PRXL2B: variants seen among roughly 807,000 people sequenced by gnomAD.
PRXL2B encodes the protein prostamide/prostaglandin F synthase.
PRXL2B carries 26 observed loss-of-function variants against 24.4 expected under a neutral mutation model. The observed-to-expected ratio is 1.07, with a 90% CI of 0.78 to 1.48. The LOEUF is 1.48. PRXL2B is among the 40% of genes most tolerant of loss of function. The pLI is 0.00. For synonymous variants in PRXL2B, 115 were observed against 118.9 expected, an observed-to-expected ratio of 0.97 and a Z score of 0.21; for missense variants, 269 against 264.8, an observed-to-expected ratio of 1.02 and a Z score of -0.11.
intron 5 of PRXL2B, 53 bp downstream of exon 5, chr1:2,588,678 TTGG>T (rs1286872841): frequency 1.3e-6 from 2 of 1,582,718 alleles, no homozygotes; most frequent in African/African-American, 2.7e-5. Context: ...CTTGCTGAAC[TTGG>T]TGGCCCAGCC....
chr1:2,589,384 C>T (rs1407759268), intron 6 of PRXL2B, 26 bp from the exon 7 acceptor site: 9 of 1,611,936 alleles, frequency 5.6e-6, no homozygotes, highest in Non-Finnish European at 7.6e-6. Flanking sequence ...GTCCAGCGGC[C>T]CCATGGGACC....
rs1431513613 is a variant in PRXL2B, at chr1:2,588,557, C to G, written c.392C>G (p.Ala131Gly). The change falls in exon 5 of 7, where the codon GCT becomes GGT. Residue 131 changes from alanine to glycine, a missense_variant. Coordinates refer to ENST00000419916, the MANE Select transcript of PRXL2B (RefSeq NM_152371.5). Reference sequence around the variant, plus strand: ...TGTACCCACTCCTGACAGGCCAAGGCTGTTGGCATCCAGGGGAACTTGTCT... The same window carrying G: ...TGTACCCACTCCTGACAGGCCAAGGGTGTTGGCATCCAGGGGAACTTGTCT... ...PVRDVAAKAK[A>G]VGIQGNLSGD... 6.2e-7 allele frequency: 1 copy of G among 1,614,158 alleles called. No homozygotes were observed. Among genetic ancestry groups the G allele is most frequent in the Non-Finnish European group, 8.5e-7 (1 of 1,180,014 alleles).
At position 2,588,372 on chromosome 1, in the gene PRXL2B, G is replaced by C; in HGVS notation, c.321-18G>C. 6.2e-7 allele frequency: 1 copy of C among 1,614,112 alleles called. No individual in the cohort carries two copies. Among genetic ancestry groups the C allele is most frequent in the African/African-American group, 1.3e-5 (1 of 75,060 alleles). ...AGGCTTCTCCGGAGTTTGGCCAAGC[G>C]ACCTGGTGTCTTCGCAGGTACAACA... On this transcript the variant is annotated intron_variant, in intron 3 of 6. Coordinates refer to ENST00000419916, the MANE Select transcript of PRXL2B (RefSeq NM_152371.5).
At position 2,590,817 on chromosome 1, in the gene PRXL2B, C is replaced by G. The variant is rs1191919173; in HGVS notation, c.*1390C>G. 3 of 471,946 alleles carry G rather than the reference C, an allele frequency of 6.4e-6. No individual in the cohort carries two copies. Among genetic ancestry groups the G allele is most frequent in the Non-Finnish European group, 1.1e-5 (3 of 272,578 alleles). 29.2% of individuals were successfully genotyped at this position (471,946 alleles called of 1,614,324 possible). The stretch of plus-strand genomic sequence containing the variant: ...AGGTACTGCACTGGACACTGCTCAT[C>G]CCTGGGTGTCAGGCAGGTGGCTGCA... On this transcript the variant is annotated 3_prime_UTR_variant, in exon 7 of 7. Transcript: ENST00000419916.
At position 2,586,943 on chromosome 1, in the gene PRXL2B, G is replaced by C. The variant is rs866108678; in HGVS notation, c.58G>C (p.Gly20Arg). 4 of 1,320,712 alleles carry C rather than the reference G, an allele frequency of 3.0e-6. No individual in the cohort carries two copies. The highest frequency in any genetic ancestry group is 3.0e-5 in the African/African-American group (2 of 65,712). 81.8% of individuals were successfully genotyped at this position (1,320,712 alleles called of 1,614,324 possible). A position where few individuals can be genotyped will look rare whatever the true frequency, so the allele number is the denominator to read the frequency against. Residue 20 changes from glycine to arginine, a missense_variant, in exon 1 of 7, where the codon GGG (glycine) becomes CGG (arginine). Physicochemically the swap from Gly to Arg is moderately radical, Grantham distance 125. Transcript: ENST00000419916. Reference sequence around the variant, plus strand: ...GTGCATCCTGAAGCATGCGGTGACCGGGGAGGTGAGGCCGGGTGGACGCAG... The same window carrying C: ...GTGCATCCTGAAGCATGCGGTGACCCGGGAGGTGAGGCCGGGTGGACGCAG... ...GACILKHAVT[G>R]EAVELRSLWR...
chr1:2,591,021 A>T lies in PRXL2B; in HGVS notation c.*1594A>T, dbSNP rs1179984163. ...CACGCGGCATCGCTCCTTGGGGTGCATGGGGGTGCCCCGGGCACAGTGGAA... is the reference window on the plus strand; with the variant it reads ...CACGCGGCATCGCTCCTTGGGGTGCTTGGGGGTGCCCCGGGCACAGTGGAA... On this transcript the variant is annotated 3_prime_UTR_variant, in exon 7 of 7. Coordinates refer to ENST00000419916, the MANE Select transcript of PRXL2B (RefSeq NM_152371.5). 1.2e-6 allele frequency: 2 copies of T among 1,604,342 alleles called. No individual in the cohort carries two copies. Among genetic ancestry groups the T allele is most frequent in the Non-Finnish European group, 8.5e-7 (1 of 1,176,558 alleles).
Position 2,591,263 on chromosome 1 carries a change from T to G in PRXL2B, c.*1836T>G. On this transcript the variant is annotated 3_prime_UTR_variant, in exon 7 of 7. Transcript: ENST00000419916. ...CCCCATCTGACCAGAAACATGCCAA[T>G]CCTGAGAATAACCTCCCCTCCAGCC... 5.0e-6 allele frequency: 3 copies of G among 598,726 alleles called. No homozygotes were observed. Among genetic ancestry groups the G allele is most frequent in the Non-Finnish European group, 8.8e-6 (3 of 340,088 alleles). 37.1% of individuals were successfully genotyped at this position (598,726 alleles called of 1,614,324 possible). A position where few individuals can be genotyped will look rare whatever the true frequency, so the allele number is the denominator to read the frequency against.
In PRXL2B at chr1:2,589,953, G is replaced by A. The variant is rs1337106009; in HGVS notation, c.*526G>A. 1 of 159,922 alleles carries A rather than the reference G, an allele frequency of 6.3e-6. No individual in the cohort carries two copies. Among genetic ancestry groups the A allele is most frequent in the African/African-American group, 2.4e-5 (1 of 41,662 alleles). 9.9% of individuals were successfully genotyped at this position (159,922 alleles called of 1,614,324 possible). A position where few individuals can be genotyped will look rare whatever the true frequency, so the allele number is the denominator to read the frequency against. On this transcript the variant is annotated 3_prime_UTR_variant, in exon 7 of 7. Transcript: ENST00000419916. ...GTGGGTGGACCCTGGAGACTCTCAG[G>A]TGATGGGCCAGCCTGCCCCAAGGCT...
At position 2,588,453 on chromosome 1, in the gene PRXL2B, G is replaced by A; in HGVS notation, c.384G>A (p.Lys128=). The part of the protein sequence containing the change: ...LGKPVRDVAA[K]AKAVGIQGNL... ...AGCCCGTGCGTGATGTGGCTGCCAA[G>A]GTGTGTGCGGGTCAAGGGTGTACAG... The change falls in exon 4 of 7, where the codon AAG becomes AAA. Residue 128 remains lysine (K), a splice_region_variant and synonymous_variant. Coordinates refer to ENST00000419916, the MANE Select transcript of PRXL2B (RefSeq NM_152371.5). 1 of 1,614,142 alleles carries A rather than the reference G, an allele frequency of 6.2e-7. No individual in the cohort carries two copies. Among genetic ancestry groups the A allele is most frequent in the South Asian group, 1.1e-5 (1 of 91,086 alleles).
rs1049300628 is a variant in PRXL2B at position 2,587,199 on chromosome 1, G to T, written c.172G>T (p.Ala58Ser). 1.3e-5 allele frequency: 20 copies of T among 1,567,004 alleles called. No individual in the cohort carries two copies. The highest frequency in any genetic ancestry group is 1.7e-5 in the Non-Finnish European group (20 of 1,162,948). ...RWIAQDLSSL[A>S]GLLDQHGVRL... ...GATCGCCCAGGACCTCAGCAGCCTT[G>T]CTGGGCTCCTGGACCAACACGGCGT... The change falls in exon 2 of 7, where the codon GCT becomes TCT. Residue 58 changes from alanine to serine, a missense_variant. Physicochemically the swap from Ala to Ser is moderately conservative, Grantham distance 99. Transcript: ENST00000419916. The surrounding 1 kb of genome is among the most constrained non-coding windows in gnomAD (Gnocchi z 6.1).
chr1:2,589,496 C>G lies in PRXL2B; in HGVS notation c.*69C>G. 2 of 1,609,972 alleles carry G rather than the reference C, an allele frequency of 1.2e-6. No homozygotes were observed. The highest frequency in any genetic ancestry group is 1.7e-6 in the Non-Finnish European group (2 of 1,177,048). On this transcript the variant is annotated 3_prime_UTR_variant, in exon 7 of 7. Transcript: ENST00000419916. ...CTGCCCTAGGTGTGCTGGAAGTCCA[C>G]TTGGAAGAACTGTTCCGGAGGCGCT...
At position 2,589,543 on chromosome 1, in the gene PRXL2B, C is replaced by A; in HGVS notation, c.*116C>A. On this transcript the variant is annotated 3_prime_UTR_variant, in exon 7 of 7. Transcript: ENST00000419916. ...CGCTGGGTCGGGATGCCGAACCTCT[C>A]CTGATCCGCCGGCAGCAACGAGCCA... The A allele has an allele frequency of 2.8e-6, 4 of 1,434,162 alleles. No individual in the cohort carries two copies. The highest frequency in any genetic ancestry group is 2.9e-6 in the Non-Finnish European group (3 of 1,042,010). The allele number at this position is 1,434,162 out of a possible 1,614,324, so 88.8% of individuals were successfully genotyped here.
Position 2,589,414 on chromosome 1 carries a change from A to T in PRXL2B, c.584A>T (p.Asp195Val). The T allele has an allele frequency of 6.2e-7, 1 of 1,613,594 alleles. No individual in the cohort carries two copies. Among genetic ancestry groups the T allele is most frequent in the Non-Finnish European group, 8.5e-7 (1 of 1,179,850 alleles). ...EVCASDPPQC[D>V]REV ...GGGACCCTGCTGTCCCCACAGTGTG[A>T]CAGAGAGGTGTGAGGGAGGCGAAGG... The change falls in exon 7 of 7, where the codon GAC becomes GTC. Residue 195 changes from aspartate (D) to valine (V), a missense_variant. Physicochemically the swap from Asp to Val is radical, Grantham distance 152. Transcript: ENST00000419916.
intron 5 of PRXL2B, 107 bp from the exon 6 acceptor site, chr1:2,588,815 T>C: frequency 8.0e-7 from 1 of 1,252,624 alleles, no homozygotes; most frequent in Non-Finnish European, 1.2e-6. Flanking sequence ...GGTAGCCGGG[T>C]GGGGGATATG....
chr1:2,589,421 G>A lies in PRXL2B; in HGVS notation c.591G>A (p.Glu197=). The A allele has an allele frequency of 6.2e-7, 1 of 1,613,762 alleles. No individual in the cohort carries two copies. Among genetic ancestry groups the A allele is most frequent in the Non-Finnish European group, 8.5e-7 (1 of 1,179,900 alleles). Residue 197 remains glutamate, a synonymous_variant, in exon 7 of 7, where the codon GAG becomes GAA. Coordinates refer to ENST00000419916, the MANE Select transcript of PRXL2B (RefSeq NM_152371.5). The stretch of plus-strand genomic sequence containing the variant: ...TGCTGTCCCCACAGTGTGACAGAGA[G>A]GTGTGAGGGAGGCGAAGGCCCTGGC... ...CASDPPQCDR[E]V
rs766288496 is a variant in PRXL2B, at chr1:2,590,999, G to A, written c.*1572G>A. ...CGCGGCAGGGCCTTGGCTACCACAC[G>A]CGGCATCGCTCCTTGGGGTGCATGG... is the stretch of plus-strand genomic sequence containing the variant. On this transcript the variant is annotated 3_prime_UTR_variant, in exon 7 of 7. Coordinates refer to ENST00000419916, the MANE Select transcript of PRXL2B (RefSeq NM_152371.5). The A allele has an allele frequency of 2.0e-5, 32 of 1,589,898 alleles. No individual in the cohort carries two copies. The South Asian group carries it at 2.6e-4, about 13-fold the overall frequency.
intron 6 of PRXL2B, 47 bp downstream of exon 6, chr1:2,589,087 C>T (rs1250639016): frequency 6.4e-7 from 1 of 1,569,476 alleles, no homozygotes; most frequent in South Asian, 1.1e-5. Context: ...CGCCCTGCCC[C>T]TAGGTCCCCT....
At chr1:2,588,725 A>G in intron 5 of PRXL2B, 100 bp downstream of exon 5, 1 of 1,376,094 alleles carries the variant, frequency 7.3e-7, no homozygotes, top group Non-Finnish European at 1.0e-6. Flanking sequence ...GTCTCATCAC[A>G]GCCCCTCCGC....
In PRXL2B at chr1:2,587,066, C is replaced by A; in HGVS notation, c.64-25C>A. 6.9e-7 allele frequency: 1 copy of A among 1,451,612 alleles called. No homozygotes were observed. The highest frequency in any genetic ancestry group is 9.0e-7 in the Non-Finnish European group (1 of 1,112,368). The allele number at this position is 1,451,612 out of a possible 1,614,324, so 89.9% of individuals were successfully genotyped here. A position where few individuals can be genotyped will look rare whatever the true frequency, so the allele number is the denominator to read the frequency against. ...GGGCGGGGCTGGGGGCAACGGGGCG[C>A]GCCCATGACCCAGCCGCCCGGCAGG... On this transcript the variant is annotated intron_variant, in intron 1 of 6. Coordinates refer to ENST00000419916, the MANE Select transcript of PRXL2B (RefSeq NM_152371.5). This position sits in a 1 kb window ranked among gnomAD's most constrained non-coding sequence, Gnocchi z 6.1.
Sources: allele counts gnomAD v4.1 joint callset, GRCh38; gene constraint gnomAD v4.1.1; non-coding constraint Gnocchi (gnomAD v3.1); transcripts MANE v1.5; gene names NCBI Gene and HGNC (gene_info 2026-07-23, HGNC 2026-07-21).